The following CNTNAP5 variants were observed in gnomAD, a reference collection of about 807,000 sequenced individuals.
CNTNAP5 encodes the protein contactin associated protein family member 5.
A neutral mutation model predicts 150.2 loss-of-function variants in CNTNAP5; 72 were observed. The observed-to-expected ratio is 0.48, with a 90% CI of 0.40 to 0.58. The LOEUF (loss-of-function observed/expected upper bound fraction) is 0.58. Ranked by LOEUF, CNTNAP5 falls within the 20% of genes least tolerant of loss-of-function variation. The pLI is 0.00. For missense variants in CNTNAP5, 1,636 were observed against 1,626.2 expected, an observed-to-expected ratio of 1.01 and a Z score of -0.10; for synonymous variants, 672 against 619.8, an observed-to-expected ratio of 1.08 and a Z score of -1.25.
Position 124,911,496 on chromosome 2 carries a change from C to G in CNTNAP5, c.3685C>G (p.Pro1229Ala), listed in dbSNP as rs1289756837. ...DPFGKTDEREPLTNAVRSDSA... is the reference protein window; with the variant it reads ...DPFGKTDEREALTNAVRSDSA... ...TTTTGGGAAGACAGATGAGCGGGAA[C>G]CACTCACAAATGCTGTTCGAAGTGA... Residue 1229 changes from proline (P) to alanine (A), a missense_variant, in exon 23 of 24, where the codon CCA (proline) becomes GCA (alanine). Coordinates refer to ENST00000682447, the MANE Select transcript of CNTNAP5 (RefSeq NM_001367498.1). 3.1e-6 allele frequency: 5 copies of G among 1,602,188 alleles called. No individual in the cohort carries two copies. Among genetic ancestry groups the G allele is most frequent in the Non-Finnish European group, 4.3e-6 (5 of 1,174,058 alleles).
intron 1 of CNTNAP5, among the ~76,000 whole-genome samples, chr2:124,056,614 C>G (rs1681853500): frequency 6.6e-6 from 1 of 152,260 alleles, no homozygotes; most frequent in African/African-American, 2.4e-5. Context: ...CCACTGCACT[C>G]CAGCCTGGGT....
At chr2:124,403,725 T>C (rs940680467) in intron 3 of CNTNAP5, among the ~76,000 whole-genome samples, 1 of 152,270 alleles carries the variant, frequency 6.6e-6, no homozygotes, top group South Asian at 2.1e-4. Context: ...ATCGTATTAG[T>C]CCGGTCTCAT....
Position 124,301,614 on chromosome 2 carries a change from A to G in CNTNAP5, c.381+59221A>G, listed in dbSNP as rs115868042. Among the ~76,000 whole-genome samples the G allele has an allele frequency of 2.9e-3, 441 of 152,278 alleles. 2 individuals carry two copies. The highest frequency in any genetic ancestry group is 0.01 in the African/African-American group (416 of 41,542). ...AGCAGGACACACTCATATCCCATTCACTGTGTACTTCCTAAAACCTCATTC... is the reference window on the plus strand; with the variant it reads ...AGCAGGACACACTCATATCCCATTCGCTGTGTACTTCCTAAAACCTCATTC... On this transcript the variant is annotated intron_variant, in intron 3 of 23. Coordinates refer to ENST00000682447, the MANE Select transcript of CNTNAP5 (RefSeq NM_001367498.1).
Position 124,768,363 on chromosome 2 carries a change from GAGAA to G in CNTNAP5, c.2533+4220_2533+4223del, listed in dbSNP as rs371292259. The stretch of plus-strand genomic sequence containing the variant: ...GTATAAATATGAGAGAAAAGAAAGA[GAGAA>G]AGATTTAACTTTATGATTTCAGAAG... On this transcript the variant is annotated intron_variant, in intron 16 of 23. Coordinates refer to ENST00000682447, the MANE Select transcript of CNTNAP5 (RefSeq NM_001367498.1). 4.7e-3 allele frequency among the ~76,000 whole-genome samples: 704 copies of G among 149,332 alleles called. 5 individuals are homozygous for G. Among genetic ancestry groups the G allele is most frequent in the African/African-American group, 0.014 (586 of 40,692 alleles).
chr2:124,445,086 T>TC (rs1692780494), intron 5 of CNTNAP5, among the ~76,000 whole-genome samples: 1 of 151,164 alleles, frequency 6.6e-6, no homozygotes, highest in African/African-American at 2.4e-5. Flanking sequence ...AATATCTTTT[T>TC]TTTTTTTTTT....
At chr2:124,657,342 A>G (rs1678481103) in intron 13 of CNTNAP5, among the ~76,000 whole-genome samples, 1 of 152,132 alleles carries the variant, frequency 6.6e-6, no homozygotes, top group Admixed American at 6.5e-5. Flanking sequence ...ATTTCAGTAA[A>G]TGCTACCTTC....
chr2:124,257,971 C>A (rs1687355562), intron 3 of CNTNAP5, among the ~76,000 whole-genome samples: 1 of 152,102 alleles, frequency 6.6e-6, no homozygotes, highest in Non-Finnish European at 1.5e-5. Context: ...GAAAGCCATG[C>A]AATTGATGCA....
At chr2:124,167,228 A>T (rs2104657867) in intron 1 of CNTNAP5, among the ~76,000 whole-genome samples, 1 of 152,282 alleles carries the variant, frequency 6.6e-6, no homozygotes, top group South Asian at 2.1e-4. Context: ...TGTTTGGGAA[A>T]ACCACACATA....
intron 19 of CNTNAP5, among the ~76,000 whole-genome samples, chr2:124,840,967 G>C (rs1682933092): frequency 6.6e-6 from 1 of 151,980 alleles, no homozygotes. Context: ...TTATCATTCT[G>C]AGCTCAACAT....
intron 13 of CNTNAP5, among the ~76,000 whole-genome samples, chr2:124,655,867 C>T (rs1426870360): frequency 6.7e-6 from 1 of 150,350 alleles, no homozygotes; most frequent in East Asian, 2.0e-4. Context: ...TGCTACTGCA[C>T]TCCAGCCTCA....
intron 7 of CNTNAP5, among the ~76,000 whole-genome samples, chr2:124,476,139 T>C (rs1444170529): frequency 6.6e-6 from 1 of 152,142 alleles, no homozygotes; most frequent in Non-Finnish European, 1.5e-5. Flanking sequence ...AAACCTAATT[T>C]CCATTGACAT....
intron 1 of CNTNAP5, among the ~76,000 whole-genome samples, chr2:124,163,383 G>A (rs983992545): frequency 6.6e-6 from 1 of 152,092 alleles, no homozygotes; most frequent in African/African-American, 2.4e-5. Flanking sequence ...GAGACCCTTA[G>A]AAGGAAAGCC....
chr2:124,233,773 A>G (rs999192958), intron 2 of CNTNAP5, among the ~76,000 whole-genome samples: 2 of 140,288 alleles, frequency 1.4e-5, no homozygotes, highest in African/African-American at 5.3e-5. Flanking sequence ...CATAGTTGTG[A>G]TGCCTGTGAG....
At chr2:124,819,489 T>G (rs1438448073) in intron 19 of CNTNAP5, among the ~76,000 whole-genome samples, 1 of 152,162 alleles carries the variant, frequency 6.6e-6, no homozygotes, top group African/African-American at 2.4e-5. Context: ...CAAAATTTTC[T>G]TATAAAAAAT....
chr2:124,555,741 C>CAAA (rs1695738589), intron 10 of CNTNAP5, among the ~76,000 whole-genome samples: 1 of 152,038 alleles, frequency 6.6e-6, no homozygotes, highest in South Asian at 2.1e-4. Flanking sequence ...CTGTCATGTG[C>CAAA]AAAAAATGTA....
chr2:124,178,211 C>A (rs1433444121), intron 1 of CNTNAP5, among the ~76,000 whole-genome samples: 1 of 152,116 alleles, frequency 6.6e-6, no homozygotes, highest in Non-Finnish European at 1.5e-5. Context: ...TGGGTTATTG[C>A]ACATACTAAG....
chr2:124,811,955 T>C (rs1455520786), intron 19 of CNTNAP5, among the ~76,000 whole-genome samples: 1 of 117,806 alleles, frequency 8.5e-6, no homozygotes, highest in African/African-American at 3.2e-5. Flanking sequence ...AAAATATATA[T>C]ATATATATTT....
intron 20 of CNTNAP5, among the ~76,000 whole-genome samples, chr2:124,866,574 GGGA>G: frequency 6.6e-6 from 1 of 152,046 alleles, no homozygotes; most frequent in Non-Finnish European, 1.5e-5. Context: ...GTTGGCCACA[GGGA>G]GGAGGAGAGT....
chr2:124,313,216 C>G (rs988219601), intron 3 of CNTNAP5, among the ~76,000 whole-genome samples: 15 of 152,110 alleles, frequency 9.9e-5, no homozygotes, highest in African/African-American at 3.4e-4. Flanking sequence ...TAACTACTCT[C>G]GATTATTATA....
Sources: allele counts gnomAD v4.1 joint callset (sites outside exome capture counted in the v4.1 genomes callset), GRCh38; gene constraint gnomAD v4.1.1; transcripts MANE v1.5; gene names NCBI Gene and HGNC (gene_info 2026-07-23, HGNC 2026-07-21).